FANK1: variants seen among roughly 807,000 people sequenced by gnomAD.
FANK1 encodes the protein fibronectin type III and ankyrin repeat domains 1.
A neutral mutation model predicts 45.3 loss-of-function variants in FANK1; 44 were observed. The ratio of observed to expected loss-of-function variants is 0.97; its 90% CI spans 0.76 to 1.25. The LOEUF is 1.25. FANK1 is among the 50% of genes most tolerant of loss of function. The pLI is 0.00. For missense variants in FANK1, 391 were observed against 424.4 expected (o/e 0.92, Z 0.69); for synonymous variants, 149 against 152.5 (o/e 0.98, Z 0.17).
rs71486557 is a variant in FANK1 at position 125,964,186 on chromosome 10, C to CTTTTT, written c.14-15955_14-15951dup. Among the ~76,000 whole-genome samples, 163 of 78,398 alleles carry CTTTTT rather than the reference C, an allele frequency of 2.1e-3. 1 individual carries two copies. Among genetic ancestry groups the CTTTTT allele is most frequent in the Middle Eastern group, 0.012 (1 of 86 alleles). 51.4% of individuals were successfully genotyped at this position (78,398 alleles called of 152,430 possible). ...ATGTAGATTATATCATTCTCTCTCT[C>CTTTTT]TTTTTTTTTTTTTTTTTTTTTTTTG... On this transcript the variant is annotated intron_variant, in intron 1 of 10. Coordinates refer to ENST00000368693, the MANE Select transcript of FANK1 (RefSeq NM_145235.5).
chr10:126,007,271 G>A (rs531925429), intron 7 of FANK1: 6 of 152,262 alleles, frequency 3.9e-5, no homozygotes, highest in African/African-American at 1.2e-4. Context: ...CTCAGGAAAG[G>A]CACTTCTCTG....
At chr10:125,959,936 A>G (rs1949815037) in intron 1 of FANK1, among the ~76,000 whole-genome samples, 1 of 152,328 alleles carries the variant, frequency 6.6e-6, no homozygotes, top group South Asian at 2.1e-4. Context: ...TTTGTCTTAC[A>G]TATAAAGCAC....
intron 1 of FANK1, among the ~76,000 whole-genome samples, chr10:125,947,545 A>G (rs931381868): frequency 6.6e-6 from 1 of 151,286 alleles, no homozygotes; most frequent in Non-Finnish European, 1.5e-5. Context: ...AAAGGGATCA[A>G]TTCAACAAGA....
At chr10:125,902,316 G>C (rs1945108748) in intron 1 of FANK1, among the ~76,000 whole-genome samples, 2 of 152,212 alleles carry the variant, frequency 1.3e-5, no homozygotes, top group Non-Finnish European at 2.9e-5. Context: ...TGGTGGAAGA[G>C]GTCAGGGGAC....
intron 1 of FANK1, among the ~76,000 whole-genome samples, chr10:125,944,466 T>C (rs1410811337): frequency 6.6e-6 from 1 of 152,214 alleles, no homozygotes; most frequent in African/African-American, 2.4e-5. Context: ...AATAAACCTT[T>C]TTCACTTAAC....
rs770188098 is a variant in FANK1 at position 126,009,082 on chromosome 10, T to C, written c.878T>C (p.Leu293Ser). The change falls in exon 9 of 11, where the codon TTA becomes TCA. Residue 293 changes from leucine to serine, a missense_variant. Coordinates refer to ENST00000368693, the MANE Select transcript of FANK1 (RefSeq NM_145235.5). ...MVAVLNNHEE[L>S]VQLLLDKGAD... The stretch of plus-strand genomic sequence containing the variant: ...GCTGTGTTAAATAATCATGAAGAGT[T>C]AGTTCAGTTACTTCTTGACAAAGGG... The C allele has an allele frequency of 1.9e-6, 3 of 1,614,184 alleles. No homozygotes were observed. The East Asian group carries it at 6.7e-5, about 36-fold the overall frequency.
intron 1 of FANK1, among the ~76,000 whole-genome samples, chr10:125,924,338 C>T (rs1947173276): frequency 6.6e-6 from 1 of 151,310 alleles, no homozygotes; most frequent in Non-Finnish European, 1.5e-5. Context: ...ACTGCAACCT[C>T]CAGCTCCTGG....
At chr10:125,938,641 C>G (rs953990127) in intron 1 of FANK1, among the ~76,000 whole-genome samples, 21 of 151,956 alleles carry the variant, frequency 1.4e-4, no homozygotes, top group African/African-American at 5.1e-4. Context: ...AAACCTTGTC[C>G]CTACTAAAAA....
At position 125,987,699 on chromosome 10, in the gene FANK1, A is replaced by G. The variant is rs918651817; in HGVS notation, c.192-852A>G. ...TGGAGGTTTTGGGTAATACTGGGAA[A>G]TATATACAGCTCTGTCAACTTTTGG... On this transcript the variant is annotated intron_variant, in intron 2 of 10. Coordinates refer to ENST00000368693, the MANE Select transcript of FANK1 (RefSeq NM_145235.5). Among the ~76,000 whole-genome samples, 22 of 152,180 alleles carry G rather than the reference A, an allele frequency of 1.4e-4. 1 individual carries two copies. Among genetic ancestry groups the G allele is most frequent in the African/African-American group, 5.3e-4 (22 of 41,446 alleles).
chr10:125,909,580 C>CAT (rs1234799084), intron 1 of FANK1, among the ~76,000 whole-genome samples: 1 of 149,304 alleles, frequency 6.7e-6, no homozygotes, highest in Non-Finnish European at 1.5e-5. Context: ...AGTGATGAAT[C>CAT]ATAGCTCATA....
chr10:125,939,339 A>G (rs1948301660), intron 1 of FANK1, among the ~76,000 whole-genome samples: 2 of 152,248 alleles, frequency 1.3e-5, no homozygotes, highest in Admixed American at 6.5e-5. Flanking sequence ...TACATATTCG[A>G]TAATATTAAG....
At chr10:126,005,422 C>T (rs1179437223) in intron 7 of FANK1, among the ~76,000 whole-genome samples, 1 of 151,788 alleles carries the variant, frequency 6.6e-6, no homozygotes, top group African/African-American at 2.4e-5. Flanking sequence ...ATTCTCCTGC[C>T]TCAGCCTCCC....
chr10:125,978,074 A>G (rs916721424), intron 1 of FANK1, among the ~76,000 whole-genome samples: 1 of 151,910 alleles, frequency 6.6e-6, no homozygotes, highest in Non-Finnish European at 1.5e-5. Flanking sequence ...CCACTTTTCC[A>G]TAGGGCTGCT....
intron 4 of FANK1, 97 bp downstream of exon 4, chr10:125,995,595 T>C: frequency 8.3e-7 from 1 of 1,205,976 alleles, no homozygotes. Context: ...AAAATTCCCA[T>C]GGCTTTGAAA....
intron 1 of FANK1, among the ~76,000 whole-genome samples, chr10:125,961,592 C>G (rs529548322): frequency 3.3e-5 from 5 of 152,220 alleles, no homozygotes; most frequent in South Asian, 4.2e-4. Flanking sequence ...ATCTGAAACT[C>G]AAAATGGATC....
At chr10:125,945,273 C>G (rs937235735) in intron 1 of FANK1, among the ~76,000 whole-genome samples, 2 of 152,150 alleles carry the variant, frequency 1.3e-5, no homozygotes, top group African/African-American at 4.8e-5. Context: ...AGGAACAGCT[C>G]CGGTCTACAG....
chr10:125,953,604 G>A (rs529840876), intron 1 of FANK1, among the ~76,000 whole-genome samples: 16 of 152,332 alleles, frequency 1.1e-4, no homozygotes, highest in African/African-American at 3.4e-4. Flanking sequence ...TGAGCAGCTT[G>A]TGAAAGCCCT....
intron 1 of FANK1, among the ~76,000 whole-genome samples, chr10:125,946,113 A>G (rs1035204613): frequency 6.6e-6 from 1 of 152,146 alleles, no homozygotes; most frequent in African/African-American, 2.4e-5. Flanking sequence ...TCTGTACATC[A>G]CCATCATCAA....
At chr10:126,005,137 T>C in intron 7 of FANK1, 88 bp downstream of exon 7, 2 of 1,443,688 alleles carry the variant, frequency 1.4e-6, no homozygotes, top group African/African-American at 1.4e-5. Flanking sequence ...GGGCCTTTGA[T>C]TAGCTAACCT....
Sources: allele counts gnomAD v4.1 joint callset (sites outside exome capture counted in the v4.1 genomes callset), GRCh38; gene constraint gnomAD v4.1.1; transcripts MANE v1.5; gene names NCBI Gene and HGNC (gene_info 2026-07-23, HGNC 2026-07-21).